Variants in SIDT1 observed in about 807,000 individuals in gnomAD.
SIDT1 encodes the protein SID1 transmembrane family, member 1.
A neutral mutation model predicts 107.5 loss-of-function variants in SIDT1; 101 were observed. The ratio of observed to expected loss-of-function variants is 0.94; its 90% confidence interval spans 0.80 to 1.11. The LOEUF (loss-of-function observed/expected upper bound fraction) is 1.11. Among genes scored for constraint, SIDT1 ranks in the 50% least tolerant of loss-of-function variants. The pLI is 0.00. For missense variants in SIDT1, 1,076 were observed against 1,058.2 expected, an observed-to-expected ratio of 1.02 and a Z score of -0.23; for synonymous variants, 395 against 398.2, an observed-to-expected ratio of 0.99 and a Z score of 0.10.
At position 113,621,457 on chromosome 3, in the gene SIDT1, A is replaced by C. The variant is rs531734350; in HGVS notation, c.2090+1731A>C. Among the ~76,000 whole-genome samples, 15 of 152,258 alleles carry C rather than the reference A, an allele frequency of 9.9e-5. No individual in the cohort carries two copies. The South Asian group carries it at 2.9e-3, about 29-fold the overall frequency. On this transcript the variant is annotated intron_variant, in intron 21 of 24. Coordinates refer to ENST00000264852, the MANE Select transcript of SIDT1 (RefSeq NM_017699.3). Reference sequence around the variant, plus strand: ...CTCTCTCAAAAAAAAAGAAAAAAAAAAAGAACGAAGTCAGTTGGAATTCAA... The same window carrying C: ...CTCTCTCAAAAAAAAAGAAAAAAAACAAGAACGAAGTCAGTTGGAATTCAA...
intron 1 of SIDT1, among the ~76,000 whole-genome samples, chr3:113,547,656 G>C (rs1939749919): frequency 6.6e-6 from 1 of 152,086 alleles, no homozygotes; most frequent in Admixed American, 6.5e-5. Context: ...TCCAGAGAAA[G>C]TTGAATATAC....
At position 113,601,585 on chromosome 3, in the gene SIDT1, C is replaced by T. The variant is rs764229528; in HGVS notation, c.1046-3C>T. ...GTGTTTGCCTCTTCACTTTTTTTAA[C>T]AGGCTCTGGAAATATGGTGGCATCT... is the stretch of plus-strand genomic sequence containing the variant. On this transcript the variant is annotated splice_region_variant and splice_polypyrimidine_tract_variant and intron_variant, in intron 10 of 24. Transcript: ENST00000264852. 1 of 1,612,366 alleles carries T rather than the reference C, an allele frequency of 6.2e-7. No individual in the cohort carries two copies.
chr3:113,590,944 C>T (rs1449552184), intron 9 of SIDT1, among the ~76,000 whole-genome samples: 1 of 152,190 alleles, frequency 6.6e-6, no homozygotes, highest in Non-Finnish European at 1.5e-5. Context: ...AATATGTTAC[C>T]TTACCTGGCA....
chr3:113,542,553 A>G (rs1353044225), intron 1 of SIDT1, among the ~76,000 whole-genome samples: 1 of 152,138 alleles, frequency 6.6e-6, no homozygotes, highest in Non-Finnish European at 1.5e-5. Context: ...ATTTGAAATA[A>G]TGTTTTCTGC....
intron 1 of SIDT1, among the ~76,000 whole-genome samples, chr3:113,548,329 T>C (rs1939830635): frequency 6.6e-6 from 1 of 152,174 alleles, no homozygotes; most frequent in South Asian, 2.1e-4. Flanking sequence ...TCCACCATTA[T>C]GGTACTGTAC....
At chr3:113,558,311 T>C (rs1245218777) in intron 1 of SIDT1, among the ~76,000 whole-genome samples, 1 of 152,230 alleles carries the variant, frequency 6.6e-6, no homozygotes, top group Non-Finnish European at 1.5e-5. Flanking sequence ...ATGTGTCTCA[T>C]ACTCAGCTTA....
At chr3:113,560,203 A>G (rs1405210733) in intron 1 of SIDT1, among the ~76,000 whole-genome samples, 1 of 152,158 alleles carries the variant, frequency 6.6e-6, no homozygotes, top group Admixed American at 6.5e-5. Context: ...CTTATGCATC[A>G]AGCAGGCAAT....
At position 113,568,986 on chromosome 3, in the gene SIDT1, A is replaced by T. The variant is rs191818717; in HGVS notation, c.515+1276A>T. Among the ~76,000 whole-genome samples, 65 of 152,014 alleles carry T rather than the reference A, an allele frequency of 4.3e-4. 1 individual carries two copies. Among genetic ancestry groups the T allele is most frequent in the African/African-American group, 1.5e-3 (62 of 41,452 alleles). ...CCTCTGTGCTAGAAATACAAAAAAAAAAAATTAGCTGGGCATGGTGGCAGG... is the reference window on the plus strand; with the variant it reads ...CCTCTGTGCTAGAAATACAAAAAAATAAAATTAGCTGGGCATGGTGGCAGG... On this transcript the variant is annotated intron_variant, in intron 3 of 24. Coordinates refer to ENST00000264852, the MANE Select transcript of SIDT1 (RefSeq NM_017699.3).
chr3:113,570,168 G>T (rs1198190625), intron 3 of SIDT1, among the ~76,000 whole-genome samples: 1 of 152,214 alleles, frequency 6.6e-6, no homozygotes, highest in Non-Finnish European at 1.5e-5. Context: ...GCCTCCCAAA[G>T]TGCTGGTATT....
At chr3:113,610,938 A>C in intron 17 of SIDT1, 70 bp from the exon 18 acceptor site, 1 of 1,554,802 alleles carries the variant, frequency 6.4e-7, no homozygotes, top group Non-Finnish European at 8.7e-7. Flanking sequence ...TCTGAAGAAA[A>C]ATCTAGAAAA....
rs1257676997 is a variant in SIDT1 at position 113,593,022 on chromosome 3, T to C, written c.1019T>C (p.Ile340Thr). The change falls in exon 10 of 25, where the codon ATT (isoleucine) becomes ACT (threonine). Residue 340 changes from isoleucine (I) to threonine (T), a missense_variant. Physicochemically the swap from Ile to Thr is moderately conservative, Grantham distance 89. Coordinates refer to ENST00000264852, the MANE Select transcript of SIDT1 (RefSeq NM_017699.3). ...GTTTGCAGGTTTCAGAGAAAATCCATTGATGGAAGCTTTGGGTCCAATGAT... is the reference window on the plus strand; with the variant it reads ...GTTTGCAGGTTTCAGAGAAAATCCACTGATGGAAGCTTTGGGTCCAATGAT... ...VHYLRFQRKS[I>T]DGSFGSNDGS... 1.2e-6 allele frequency: 2 copies of C among 1,613,786 alleles called. No individual in the cohort carries two copies. The highest frequency in any genetic ancestry group is 1.7e-5 in the Admixed American group (1 of 60,024).
downstream of SIDT1, among the ~76,000 whole-genome samples, chr3:113,634,009 C>T (rs1420778171): frequency 6.6e-6 from 1 of 152,066 alleles, no homozygotes; most frequent in Non-Finnish European, 1.5e-5. Flanking sequence ...ACTGTCATTC[C>T]TAGGTAAAAG....
At chr3:113,574,112 T>C (rs1942705442) in intron 3 of SIDT1, among the ~76,000 whole-genome samples, 1 of 152,112 alleles carries the variant, frequency 6.6e-6, no homozygotes, top group Non-Finnish European at 1.5e-5. Flanking sequence ...GTTTTGAAAA[T>C]GGTTGAGACT....
rs374060767 is a variant in SIDT1, at chr3:113,626,133, G to T, written c.2339G>T (p.Arg780Leu). 2 of 1,614,062 alleles carry T rather than the reference G, an allele frequency of 1.2e-6. No homozygotes were observed. The highest frequency in any genetic ancestry group is 1.7e-6 in the Non-Finnish European group (2 of 1,179,964). ...CCGGCCGAATCCCGGGAGAAGAACC[G>T]CGAGTGCATTCTGCTGGATTTCTTC... ...GTPAESREKN[R>L]ECILLDFFDD... is the part of the protein sequence containing the mutation. The change falls in exon 24 of 25, where the codon CGC becomes CTC. Residue 780 changes from arginine to leucine, a missense_variant. Transcript: ENST00000264852.
intron 1 of SIDT1, among the ~76,000 whole-genome samples, chr3:113,562,383 T>A (rs534462450): frequency 6.6e-6 from 1 of 152,292 alleles, no homozygotes; most frequent in East Asian, 1.9e-4. Flanking sequence ...CCCAAAAGAA[T>A]TGAAAATATA....
chr3:113,615,490 G>GC (rs1321110347), intron 19 of SIDT1, among the ~76,000 whole-genome samples: 5 of 152,152 alleles, frequency 3.3e-5, no homozygotes, highest in African/African-American at 9.7e-5. Context: ...CACACTCGCT[G>GC]CATTTCATAT....
At chr3:113,543,036 G>T (rs1189496101) in intron 1 of SIDT1, among the ~76,000 whole-genome samples, 2 of 151,844 alleles carry the variant, frequency 1.3e-5, no homozygotes, top group African/African-American at 4.8e-5. Flanking sequence ...GACCTCCCAG[G>T]TTCAAGCGAT....
chr3:113,573,672 T>A (rs918854004), intron 3 of SIDT1, among the ~76,000 whole-genome samples: 1 of 152,182 alleles, frequency 6.6e-6, no homozygotes, highest in Admixed American at 6.5e-5. Flanking sequence ...TGAATGGGAT[T>A]AATACCTTTA....
chr3:113,607,419 G>T (rs186900073), intron 15 of SIDT1, among the ~76,000 whole-genome samples: 2 of 152,136 alleles, frequency 1.3e-5, no homozygotes, highest in South Asian at 2.1e-4. Flanking sequence ...TGTCTCATTC[G>T]ATCCATTAAA....
Sources: allele counts gnomAD v4.1 joint callset (sites outside exome capture counted in the v4.1 genomes callset), GRCh38; gene constraint gnomAD v4.1.1; transcripts MANE v1.5; gene names NCBI Gene and HGNC (gene_info 2026-07-23, HGNC 2026-07-21).